The following MYO3A variants were observed in gnomAD, a reference collection of about 807,000 sequenced individuals.
MYO3A encodes myosin IIIA, also known as myosin-IIIa.
MYO3A carries 180 observed loss-of-function variants against 192.7 expected under a neutral mutation model. That is an observed-to-expected ratio of 0.93 (90% CI 0.83 to 1.06). The LOEUF is 1.06. Ranked by LOEUF, MYO3A falls within the 50% of genes least tolerant of loss-of-function variation. MYO3A has a pLI of 0.00. For synonymous variants in MYO3A, 628 were observed against 645.3 expected (o/e 0.97, Z 0.41); for missense variants, 1,896 against 1,905.0 (o/e 1.00, Z 0.09).
intron 4 of MYO3A, among the ~76,000 whole-genome samples, chr10:25,981,274 C>T (rs1839310654): frequency 6.6e-6 from 1 of 152,024 alleles, no homozygotes; most frequent in Non-Finnish European, 1.5e-5. Flanking sequence ...ACCAACCATA[C>T]CATACATCAC....
rs1227919212 is a variant in MYO3A, at chr10:26,070,329, T to C, written c.1287T>C (p.Ile429=). 2.5e-6 allele frequency: 4 copies of C among 1,613,284 alleles called. No individual in the cohort carries two copies. The highest frequency in any genetic ancestry group is 3.4e-6 in the Non-Finnish European group (4 of 1,179,438). Residue 429 remains isoleucine (I), a synonymous_variant, in exon 14 of 35, where the codon ATT becomes ATC. Transcript: ENST00000642920. ...TTTTCTATGTATAGTGCATTGTTAT[T>C]TCTGGAGAAAGTGGTGCTGGAAAGA... The part of the protein sequence containing the change: ...ITYNSDQCIV[I]SGESGAGKTE...
chr10:25,966,054 A>T (rs1838245630), intron 4 of MYO3A, among the ~76,000 whole-genome samples: 2 of 151,820 alleles, frequency 1.3e-5, no homozygotes, highest in Admixed American at 1.3e-4. Context: ...GTTCTTAAGA[A>T]GGTGTTTTTT....
intron 6 of MYO3A, among the ~76,000 whole-genome samples, chr10:26,004,013 A>G (rs1206484930): frequency 6.6e-6 from 1 of 152,224 alleles, no homozygotes; most frequent in African/African-American, 2.4e-5. Flanking sequence ...AAAATTATGG[A>G]GTGCCCTTCA....
chr10:26,154,081 C>G (rs1240463250), intron 24 of MYO3A, 152 bp downstream of exon 24: 1 of 653,982 alleles, frequency 1.5e-6, no homozygotes, highest in African/African-American at 1.8e-5. Context: ...ATGTTATGTT[C>G]TTGTTACTGC....
intron 31 of MYO3A, among the ~76,000 whole-genome samples, chr10:26,192,613 C>T (rs966481876): frequency 3.3e-5 from 5 of 151,296 alleles, no homozygotes; most frequent in Non-Finnish European, 7.4e-5. Flanking sequence ...CATTCTTTCT[C>T]GTTCTTTCCT....
At chr10:26,124,519 A>G (rs1839082416) in intron 18 of MYO3A, among the ~76,000 whole-genome samples, 1 of 152,216 alleles carries the variant, frequency 6.6e-6, no homozygotes, top group African/African-American at 2.4e-5. Context: ...AAATTTCTGC[A>G]ATGAGCCTAT....
At chr10:26,164,317 A>G (rs145300297) in intron 26 of MYO3A, among the ~76,000 whole-genome samples, 2 of 152,282 alleles carry the variant, frequency 1.3e-5, no homozygotes, top group African/African-American at 4.8e-5. Context: ...GAGAAATGAG[A>G]TTGAAAATAT....
intron 2 of MYO3A, among the ~76,000 whole-genome samples, chr10:25,945,174 A>G (rs575491818): frequency 1.3e-5 from 2 of 152,062 alleles, no homozygotes; most frequent in South Asian, 4.2e-4. Context: ...TAATTTCTAC[A>G]TATTTGTGGA....
At chr10:26,148,494 C>A (rs1840603696) in intron 23 of MYO3A, among the ~76,000 whole-genome samples, 1 of 152,136 alleles carries the variant, frequency 6.6e-6, no homozygotes, top group South Asian at 2.1e-4. Context: ...GTTTGCTTTT[C>A]CATATACGTT....
At chr10:25,935,333 A>T (rs866835753) in intron 1 of MYO3A, among the ~76,000 whole-genome samples, 4 of 152,254 alleles carry the variant, frequency 2.6e-5, no homozygotes, top group Non-Finnish European at 4.4e-5. Context: ...CAGAAAAAAA[A>T]TTTTATTATT....
At chr10:26,128,056 T>G (rs1245074415) in intron 19 of MYO3A, among the ~76,000 whole-genome samples, 4 of 152,160 alleles carry the variant, frequency 2.6e-5, no homozygotes, top group Non-Finnish European at 5.9e-5. Context: ...GTGTTCTAAT[T>G]GCTTCCCAAG....
At chr10:26,121,595 C>G (rs1838862883) in intron 18 of MYO3A, among the ~76,000 whole-genome samples, 1 of 152,046 alleles carries the variant, frequency 6.6e-6, no homozygotes, top group South Asian at 2.1e-4. Context: ...ACTAAAAATA[C>G]AAAACTTAGC....
At chr10:25,958,632 T>C (rs1226607493) in intron 4 of MYO3A, among the ~76,000 whole-genome samples, 1 of 152,206 alleles carries the variant, frequency 6.6e-6, no homozygotes, top group Non-Finnish European at 1.5e-5. Context: ...GTGAAGAATG[T>C]CATTGGTAGT....
chr10:26,175,895 CCAG>C (rs1306602059), intron 30 of MYO3A, among the ~76,000 whole-genome samples: 2 of 152,174 alleles, frequency 1.3e-5, no homozygotes, highest in Non-Finnish European at 2.9e-5. Context: ...CACACTCAAC[CCAG>C]CAGGACAGCC....
chr10:26,094,667 G>A (rs577224496), intron 15 of MYO3A, among the ~76,000 whole-genome samples: 9 of 152,098 alleles, frequency 5.9e-5, no homozygotes, highest in South Asian at 4.2e-4. Flanking sequence ...CTTGTGATCC[G>A]CCCACCTCGG....
Position 26,005,054 on chromosome 10 carries a change from T to C in MYO3A, c.508+7796T>C, listed in dbSNP as rs535887951. ...TAGCTTAATTGTTTCGAAATATCTC[T>C]CCACAAAATACTAATTAATTACAAA... On this transcript the variant is annotated intron_variant, in intron 6 of 34. Transcript: ENST00000642920. 6.6e-4 allele frequency among the ~76,000 whole-genome samples: 101 copies of C among 152,244 alleles called. 1 individual carries two copies. Among genetic ancestry groups the C allele is most frequent in the African/African-American group, 2.2e-3 (90 of 41,538 alleles).
chr10:25,943,178 T>G (rs1425624672), intron 2 of MYO3A, among the ~76,000 whole-genome samples: 1 of 152,086 alleles, frequency 6.6e-6, no homozygotes, highest in African/African-American at 2.4e-5. Context: ...CCACCACCAC[T>G]TGTTAACAAG....
chr10:26,026,407 A>T lies in MYO3A; in HGVS notation c.828A>T (p.Pro276=), dbSNP rs768477621. The part of the protein sequence containing the change: ...KCLTKDYEKR[P]TVSELLQHKF... ...TGACTAAAGATTATGAAAAGCGTCC[A>T]ACAGTGTCAGAACTTTTACAGCATA... The change falls in exon 10 of 35, where the codon CCA becomes CCT. Residue 276 remains proline, a synonymous_variant. Transcript: ENST00000642920. The T allele has an allele frequency of 6.2e-7, 1 of 1,614,182 alleles. No homozygotes were observed. The highest frequency in any genetic ancestry group is 8.5e-7 in the Non-Finnish European group (1 of 1,180,008).
chr10:26,198,857 G>A (rs112919879), intron 32 of MYO3A, among the ~76,000 whole-genome samples: 1 of 152,100 alleles, frequency 6.6e-6, no homozygotes, highest in Non-Finnish European at 1.5e-5. Flanking sequence ...ACAGGAAATT[G>A]CCATGGGACA....
Sources: allele counts gnomAD v4.1 joint callset (sites outside exome capture counted in the v4.1 genomes callset), GRCh38; gene constraint gnomAD v4.1.1; transcripts MANE v1.5; gene names NCBI Gene and HGNC (gene_info 2026-07-23, HGNC 2026-07-21).